Variants in ANKFN1 observed in about 807,000 individuals in gnomAD.
The protein encoded by ANKFN1 is ankyrin repeat and fibronectin type III domain containing 1.
A neutral mutation model predicts 108.7 loss-of-function variants in ANKFN1; 74 were observed. The ratio of observed to expected loss-of-function variants is 0.68; its 90% CI spans 0.56 to 0.83. The LOEUF is 0.83. ANKFN1 is among the 40% of genes least tolerant of loss of function. The pLI is 0.00. For missense variants in ANKFN1, 1,505 were observed against 1,382.3 expected, an observed-to-expected ratio of 1.09 and a Z score of -1.41; for synonymous variants, 547 against 516.2, an observed-to-expected ratio of 1.06 and a Z score of -0.81.
intron 3 of ANKFN1, among the ~76,000 whole-genome samples, chr17:56,233,255 C>A (rs1311558575): frequency 6.6e-6 from 1 of 152,030 alleles, no homozygotes. Context: ...TCATATTAAA[C>A]CCATATTGAC....
intron 8 of ANKFN1, among the ~76,000 whole-genome samples, chr17:56,436,078 C>G (rs529078231): frequency 6.6e-6 from 1 of 152,100 alleles, no homozygotes; most frequent in Non-Finnish European, 1.5e-5. Context: ...AATCTTCCAG[C>G]CTGTGATTTA....
At chr17:56,056,399 G>T (rs1016190642) in intron 4 of ANKFN1, among the ~76,000 whole-genome samples, 4 of 148,070 alleles carry the variant, frequency 2.7e-5, no homozygotes, top group Non-Finnish European at 5.9e-5. Flanking sequence ...AAGCCAGAGG[G>T]ATTGCATTGC....
At chr17:56,126,758 A>G (rs1243324644) in intron 4 of ANKFN1, among the ~76,000 whole-genome samples, 2 of 152,228 alleles carry the variant, frequency 1.3e-5, no homozygotes, top group Non-Finnish European at 2.9e-5. Context: ...CAATAATACC[A>G]TTTTGATAAG....
In ANKFN1 at chr17:56,510,639, C is replaced by T; in HGVS notation, c.2811C>T (p.Pro937=). 6.5e-7 allele frequency: 1 copy of T among 1,536,154 alleles called. No individual in the cohort carries two copies. Among genetic ancestry groups the T allele is most frequent in the East Asian group, 2.4e-5 (1 of 40,906 alleles). Reference sequence around the variant, plus strand: ...TTAGCGGCCTAAGCGGCAGCGCCCCCGACGTCCTGCAAGTGCACGACGTGA... The same window carrying T: ...TTAGCGGCCTAAGCGGCAGCGCCCCTGACGTCCTGCAAGTGCACGACGTGA... ...QTLSGLSGSA[P]DVLQVHDVKT... Residue 937 remains proline (P), a synonymous_variant, in exon 21 of 21, where the codon CCC becomes CCT. Transcript: ENST00000682825.
chr17:56,467,791 G>GAAGA (rs1555660585), intron 15 of ANKFN1, among the ~76,000 whole-genome samples: 572 of 54,876 alleles, frequency 0.01, 5 homozygotes, highest in South Asian at 0.023. Flanking sequence ...AAGAAAGAAA[G>GAAGA]AAGAAAGAAA....
At chr17:56,229,599 G>A (rs140261603) in intron 3 of ANKFN1, among the ~76,000 whole-genome samples, 2,568 of 134,798 alleles carry the variant, frequency 0.019, 36 homozygotes, top group Middle Eastern at 0.082. Context: ...AAACACCCAC[G>A]TGTTACCGCA....
At chr17:56,297,209 C>T (rs1386545897) in intron 3 of ANKFN1, among the ~76,000 whole-genome samples, 1 of 152,150 alleles carries the variant, frequency 6.6e-6, no homozygotes, top group Non-Finnish European at 1.5e-5. Flanking sequence ...TGCAGTTTTC[C>T]TTTCTCCTTA....
chr17:56,207,169 GA>G (rs1914612223), intron 1 of ANKFN1, among the ~76,000 whole-genome samples: 1 of 152,174 alleles, frequency 6.6e-6, no homozygotes, highest in African/African-American at 2.4e-5. Context: ...GAATTCTGTA[GA>G]CTAGTGCTTC....
chr17:56,308,936 T>G (rs142983706), intron 3 of ANKFN1, among the ~76,000 whole-genome samples: 17 of 152,344 alleles, frequency 1.1e-4, no homozygotes, highest in African/African-American at 3.8e-4. Flanking sequence ...TCCTGGTATA[T>G]AATTATTTTT....
intron 4 of ANKFN1, among the ~76,000 whole-genome samples, chr17:56,337,867 T>C (rs2045856588): frequency 6.6e-6 from 1 of 152,210 alleles, no homozygotes; most frequent in African/African-American, 2.4e-5. Context: ...GAGTGTAAAC[T>C]AGTTCAACCA....
intron 1 of ANKFN1, among the ~76,000 whole-genome samples, chr17:56,170,998 G>T (rs1248038899): frequency 1.3e-5 from 2 of 151,550 alleles, no homozygotes; most frequent in African/African-American, 4.9e-5. Context: ...GAAGGAAATG[G>T]AGAGCAGGCA....
chr17:56,271,986 G>T (rs768110896), intron 3 of ANKFN1, among the ~76,000 whole-genome samples: 74 of 152,156 alleles, frequency 4.9e-4, no homozygotes, highest in Non-Finnish European at 1.3e-4. Flanking sequence ...AGTAGCTGTT[G>T]TTACTGGAGA....
intron 4 of ANKFN1, among the ~76,000 whole-genome samples, chr17:56,114,999 A>G (rs1028933682): frequency 2.0e-5 from 3 of 152,230 alleles, no homozygotes; most frequent in Non-Finnish European, 2.9e-5. Flanking sequence ...GCCTCCAGAA[A>G]TAAATGCAGT....
At position 56,096,345 on chromosome 17, in the gene ANKFN1, A is replaced by G. The variant is rs145081849; in HGVS notation, c.288+50020A>G. ...TTCTCTCATGTTTTCATTTCTCAGT[A>G]TCTTCTGCCTGCCTCTGCCCACCCC... On this transcript the variant is annotated intron_variant, in intron 4 of 12. Transcript: ENST00000635860. Among the ~76,000 whole-genome samples the G allele has an allele frequency of 4.1e-3, 617 of 152,278 alleles. 9 individuals carry two copies. The highest frequency in any genetic ancestry group is 0.014 in the African/African-American group (595 of 41,556).
intron 16 of ANKFN1, 49 bp downstream of exon 16, chr17:56,477,703 A>G (rs112566733): frequency 1.1e-5 from 18 of 1,584,372 alleles, no homozygotes; most frequent in Middle Eastern, 3.4e-4. Flanking sequence ...CAGTGGCTCA[A>G]GTGACCAGCT....
intron 20 of ANKFN1, among the ~76,000 whole-genome samples, chr17:56,503,915 T>C (rs2051466674): frequency 6.6e-6 from 1 of 152,178 alleles, no homozygotes; most frequent in Non-Finnish European, 1.5e-5. Context: ...CATAAGCAAG[T>C]TTATTAAAAT....
intron 4 of ANKFN1, among the ~76,000 whole-genome samples, chr17:56,047,844 G>A (rs903542044): frequency 6.6e-6 from 1 of 152,178 alleles, no homozygotes. Flanking sequence ...AGGTTGAGAA[G>A]ACCTAATTTA....
At position 56,354,028 on chromosome 17, in the gene ANKFN1, G is replaced by T. The variant is rs780417624; in HGVS notation, c.583G>T (p.Ala195Ser). ...PIARILLRTG[A>S]RESPHFVSLE... ...TGCAAGGATTCTTCTGAGGACAGGGGCCCGAGAAAGTCCACACTGTAAGTA... is the reference window on the plus strand; with the variant it reads ...TGCAAGGATTCTTCTGAGGACAGGGTCCCGAGAAAGTCCACACTGTAAGTA... The change falls in exon 6 of 21, where the codon GCC becomes TCC. Residue 195 changes from alanine (A) to serine (S), a missense_variant. Coordinates refer to ENST00000682825, the MANE Select transcript of ANKFN1 (RefSeq NM_001370326.1). 1 of 1,613,770 alleles carries T rather than the reference G, an allele frequency of 6.2e-7. No individual in the cohort carries two copies. The highest frequency in any genetic ancestry group is 1.1e-5 in the South Asian group (1 of 91,056).
chr17:56,397,706 G>A (rs1170923222), intron 8 of ANKFN1, among the ~76,000 whole-genome samples: 1 of 152,148 alleles, frequency 6.6e-6, no homozygotes, highest in Non-Finnish European at 1.5e-5. Flanking sequence ...GGAAGGATGA[G>A]GTCATTGTAA....
Sources: gnomAD v4.1 joint callset for allele counts (sites outside exome capture counted in the v4.1 genomes callset) on GRCh38, gnomAD v4.1.1 for gene constraint, MANE v1.5 for transcripts, NCBI Gene and HGNC (gene_info 2026-07-23, HGNC 2026-07-21) for gene names.